The following ARHGEF28 variants were observed in gnomAD, a reference collection of about 807,000 sequenced individuals.
The protein encoded by ARHGEF28 is 190 kDa guanine nucleotide exchange factor.
ARHGEF28 carries 152 observed loss-of-function variants against 206.6 expected under a neutral mutation model. The ratio of observed to expected loss-of-function variants is 0.74; its 90% CI spans 0.64 to 0.84. ARHGEF28 has a LOEUF of 0.84. Ranked by LOEUF, ARHGEF28 falls within the 40% of genes least tolerant of loss-of-function variation. The pLI is 0.00. For synonymous variants in ARHGEF28, 763 were observed against 776.4 expected, an observed-to-expected ratio of 0.98 and a Z score of 0.29; for missense variants, 2,028 against 2,073.2, an observed-to-expected ratio of 0.98 and a Z score of 0.42.
At chr5:73,822,639 A>G (rs1756668467) in intron 9 of ARHGEF28, among the ~76,000 whole-genome samples, 1 of 151,784 alleles carries the variant, frequency 6.6e-6, no homozygotes, top group Non-Finnish European at 1.5e-5. Context: ...TGCCCACCCC[A>G]TTTTTTTTAG....
At chr5:73,640,292 A>T (rs750019) in intron 1 of ARHGEF28, among the ~76,000 whole-genome samples, 120,453 of 152,174 alleles carry the variant, frequency 0.79, 48,337 homozygotes, top group African/African-American at 0.93. Flanking sequence ...TCTGTGATTC[A>T]ATAAGCAATA....
chr5:73,935,922 C>G (rs1053165806), intron 35 of ARHGEF28, among the ~76,000 whole-genome samples: 1 of 152,170 alleles, frequency 6.6e-6, no homozygotes, highest in Non-Finnish European at 1.5e-5. Flanking sequence ...CATCAGTGCT[C>G]TCAATGGCAG....
At chr5:73,727,698 A>ATCC (rs1750364847) in intron 2 of ARHGEF28, among the ~76,000 whole-genome samples, 1 of 152,220 alleles carries the variant, frequency 6.6e-6, no homozygotes, top group South Asian at 2.1e-4. Context: ...CAGCTGTCAT[A>ATCC]TCCTCTCGTT....
chr5:73,733,966 G>A (rs1393458972), intron 2 of ARHGEF28, among the ~76,000 whole-genome samples: 1 of 152,010 alleles, frequency 6.6e-6, no homozygotes, highest in Non-Finnish European at 1.5e-5. Context: ...AGCAAAGGGG[G>A]ACACGTTATA....
At chr5:73,636,285 C>G (rs2112127748) in intron 1 of ARHGEF28, among the ~76,000 whole-genome samples, 1 of 152,330 alleles carries the variant, frequency 6.6e-6, no homozygotes, top group African/African-American at 2.4e-5. Context: ...TTTCACTTGG[C>G]ATGCTTGTCT....
At chr5:73,892,356 CTGCCTGCGATAGCCCCCCAT>C in intron 27 of ARHGEF28, 126 bp downstream of exon 27, 2 of 1,054,660 alleles carry the variant, frequency 1.9e-6, no homozygotes, top group African/African-American at 1.6e-5. Context: ...CCCCCTGCAC[CTGCCTGCGATAGCCCCCCAT>C]CTGCAGCTTT....
Position 73,813,294 on chromosome 5 carries a change from C to T in ARHGEF28, c.1024+17903C>T, listed in dbSNP as rs561866175. 3.3e-5 allele frequency among the ~76,000 whole-genome samples: 5 copies of T among 152,274 alleles called. No individual in the cohort carries two copies. In the East Asian group the frequency reaches 9.7e-4, roughly 29 times the overall value. ...TAATGATTCATTTGCTCCCAATGAC[C>T]TTTTGAATAAGTGGACTGCAGTGTT... On this transcript the variant is annotated intron_variant, in intron 9 of 35. Coordinates refer to ENST00000513042, the MANE Select transcript of ARHGEF28 (RefSeq NM_001177693.2).
intron 7 of ARHGEF28, among the ~76,000 whole-genome samples, chr5:73,783,244 C>G (rs1317028526): frequency 6.6e-6 from 1 of 151,982 alleles, no homozygotes; most frequent in Admixed American, 6.6e-5. Context: ...GGCCCTGGAG[C>G]TGTGATCTAA....
intron 1 of ARHGEF28, among the ~76,000 whole-genome samples, chr5:73,676,922 A>G (rs1746732105): frequency 6.6e-6 from 1 of 152,210 alleles, no homozygotes; most frequent in African/African-American, 2.4e-5. Context: ...CGATAGCTTC[A>G]TATATAATTT....
chr5:73,732,992 A>T (rs1453205769), intron 2 of ARHGEF28, among the ~76,000 whole-genome samples: 2 of 152,190 alleles, frequency 1.3e-5, no homozygotes, highest in African/African-American at 4.8e-5. Context: ...TAGCTTTTTA[A>T]AAATTTTTTA....
At chr5:73,887,379 TA>T (rs1761364890) in intron 25 of ARHGEF28, 2 of 364,700 alleles carry the variant, frequency 5.5e-6, no homozygotes, top group Admixed American at 4.6e-5. Context: ...GTGACTACAT[TA>T]AACTTTGCTG....
intron 29 of ARHGEF28, among the ~76,000 whole-genome samples, chr5:73,897,631 A>G (rs1041584991): frequency 6.6e-6 from 1 of 152,246 alleles, no homozygotes; most frequent in Non-Finnish European, 1.5e-5. Flanking sequence ...AATGGTTTAT[A>G]GTTTTCTATT....
intron 1 of ARHGEF28, among the ~76,000 whole-genome samples, chr5:73,659,057 C>T (rs745896280): frequency 2.6e-4 from 39 of 151,710 alleles, no homozygotes; most frequent in Non-Finnish European, 4.7e-4. Context: ...GCTAATAGGC[C>T]TGCTTGCCCC....
chr5:73,918,715 G>T (rs1293915120), intron 35 of ARHGEF28, among the ~76,000 whole-genome samples: 2 of 152,050 alleles, frequency 1.3e-5, no homozygotes, highest in African/African-American at 4.8e-5. Flanking sequence ...TTCTGTGATG[G>T]TATTGAGGAG....
At chr5:73,632,646 T>G (rs1335878513) in intron 1 of ARHGEF28, among the ~76,000 whole-genome samples, 1 of 152,234 alleles carries the variant, frequency 6.6e-6, no homozygotes, top group Non-Finnish European at 1.5e-5. Context: ...CCTTCAAGTC[T>G]TCTTTTATTG....
intron 1 of ARHGEF28, among the ~76,000 whole-genome samples, chr5:73,656,017 G>T (rs551260912): frequency 6.6e-6 from 1 of 152,250 alleles, no homozygotes; most frequent in Non-Finnish European, 1.5e-5. Flanking sequence ...ACCAGTTTTT[G>T]AATGTCCCCA....
At chr5:73,800,281 G>A (rs1339562521) in intron 9 of ARHGEF28, among the ~76,000 whole-genome samples, 3 of 152,158 alleles carry the variant, frequency 2.0e-5, no homozygotes, top group Non-Finnish European at 4.4e-5. Flanking sequence ...AACTTAAAAT[G>A]ATGTTGTATG....
At chr5:73,815,102 C>T (rs1421017343) in intron 9 of ARHGEF28, among the ~76,000 whole-genome samples, 3 of 151,732 alleles carry the variant, frequency 2.0e-5, no homozygotes, top group Non-Finnish European at 4.4e-5. Context: ...AAAAAAATTT[C>T]AACACGAAAG....
intron 9 of ARHGEF28, among the ~76,000 whole-genome samples, chr5:73,825,565 G>A (rs1055894775): frequency 6.6e-6 from 1 of 152,156 alleles, no homozygotes; most frequent in Non-Finnish European, 1.5e-5. Flanking sequence ...GAGGCATGAC[G>A]TGACTCGATT....
Sources: allele counts gnomAD v4.1 joint callset (sites outside exome capture counted in the v4.1 genomes callset), GRCh38; gene constraint gnomAD v4.1.1; transcripts MANE v1.5; gene names NCBI Gene and HGNC (gene_info 2026-07-23, HGNC 2026-07-21).